Variants in MID1 observed in about 807,000 individuals in gnomAD.
MID1 encodes the protein E3 ubiquitin-protein ligase Midline-1.
A neutral mutation model predicts 40.4 loss-of-function variants in MID1; 7 were observed. The observed-to-expected ratio is 0.17, with a 90% CI of 0.10 to 0.33. The LOEUF is 0.33. MID1 is among the 10% of genes least tolerant of loss of function. The pLI is 1.00. For missense variants in MID1, 367 were observed against 558.5 expected, an observed-to-expected ratio of 0.66 and a Z score of 3.46; for synonymous variants, 229 against 221.2, an observed-to-expected ratio of 1.04 and a Z score of -0.31.
At chrX:10,539,296 G>A (rs144411976) in intron 2 of MID1, among the ~76,000 whole-genome samples, 17 of 111,527 alleles carry the variant, frequency 1.5e-4, no homozygotes, top group South Asian at 1.5e-3. Context: ...TCATTAGATC[G>A]TGCGGCTGGC....
chrX:10,555,937 C>T lies in MID1; in HGVS notation c.660+10951G>A, dbSNP rs143683661. Among the ~76,000 whole-genome samples, 376 of 110,409 alleles carry T rather than the reference C, an allele frequency of 3.4e-3. 2 individuals are homozygous for T. The highest frequency in any genetic ancestry group is 0.012 in the African/African-American group (361 of 30,329). On this transcript the variant is annotated intron_variant, in intron 2 of 9. Coordinates refer to ENST00000317552, the MANE Select transcript of MID1 (RefSeq NM_000381.4). ...CTACAGTGGAGGAGTTGGAAGCTGC[C>T]TTCTTGTACAGCTCCTTCACTTCAG... is the stretch of plus-strand genomic sequence containing the variant.
At chrX:10,686,216 G>A (rs930004490) in intron 1 of MID1, among the ~76,000 whole-genome samples, 2 of 111,295 alleles carry the variant, frequency 1.8e-5, no homozygotes, top group Non-Finnish European at 3.8e-5. Context: ...TGGGGAAGGG[G>A]GTTTGGTGTC....
chrX:10,532,168 C>G (rs1473249399), intron 2 of MID1, among the ~76,000 whole-genome samples: 1 of 111,457 alleles, frequency 9.0e-6, no homozygotes. Flanking sequence ...CTTCTCAACA[C>G]AGTACTCTGG....
intron 7 of MID1, chrX:10,469,311 C>T (rs1306406296): frequency 2.1e-6 from 2 of 933,758 alleles, no homozygotes; most frequent in East Asian, 4.2e-5. Flanking sequence ...AGTTTTAACA[C>T]CTATGAATGT....
intron 2 of MID1, among the ~76,000 whole-genome samples, chrX:10,527,800 T>A (rs182205574): frequency 7.7e-4 from 86 of 111,616 alleles, no homozygotes; most frequent in Non-Finnish European, 1.5e-3. Flanking sequence ...CAGGGCGCAA[T>A]TGGGAGGCAG....
chrX:10,781,461 G>C (rs758109742), intron 1 of MID1, among the ~76,000 whole-genome samples: 1 of 111,945 alleles, frequency 8.9e-6, no homozygotes, highest in African/African-American at 3.2e-5. Flanking sequence ...TATTGAACAC[G>C]AAAGAAAAAC....
chrX:10,496,483 A>C (rs1931259269), intron 3 of MID1, among the ~76,000 whole-genome samples: 1 of 112,288 alleles, frequency 8.9e-6, no homozygotes, highest in Non-Finnish European at 1.9e-5. Flanking sequence ...GCAATTCTGA[A>C]ATGCTTATTC....
chrX:10,737,512 C>T (rs968713057), intron 1 of MID1, among the ~76,000 whole-genome samples: 2 of 111,455 alleles, frequency 1.8e-5, no homozygotes, highest in Non-Finnish European at 3.8e-5. Context: ...CACAGAAGGT[C>T]CATGTCACAG....
Position 10,567,492 on chromosome X carries a change from T to A in MID1, c.56A>T (p.Asp19Val). 1 of 1,210,957 alleles carries A rather than the reference T, an allele frequency of 8.3e-7. No homozygotes were observed. The highest frequency in any genetic ancestry group is 1.1e-6 in the Non-Finnish European group (1 of 895,205). Residue 19 changes from aspartate (D) to valine (V), a missense_variant, in exon 2 of 10, where the codon GAC becomes GTC. Physicochemically the swap from Asp to Val is radical, Grantham distance 152 (BLOSUM62 -3). Around this residue, in one of 3 missense-constraint regions of MID1, gnomAD observed 78 missense variants for 112.6 expected, o/e 0.69. Coordinates refer to ENST00000317552, the MANE Select transcript of MID1 (RefSeq NM_000381.4). ...TCPICLELFE[D>V]PLLLPCAHSL... ...GTGTGCGCAGGGCAGTAGAAGAGGG[T>A]CCTCAAAGAGCTCCAGACAAATAGG...
intron 1 of MID1, among the ~76,000 whole-genome samples, chrX:10,590,069 A>C (rs771073229): frequency 9.0e-6 from 1 of 110,805 alleles, no homozygotes; most frequent in South Asian, 4.0e-4. Context: ...CAGGGGCTGC[A>C]TGCACTGGTG....
chrX:10,606,870 T>C (rs1011974043), intron 1 of MID1, among the ~76,000 whole-genome samples: 2 of 111,206 alleles, frequency 1.8e-5, no homozygotes, highest in African/African-American at 6.6e-5. Flanking sequence ...TAGCTGGGAC[T>C]ACAGGTTTGC....
At chrX:10,476,647 T>C (rs1930028848) in intron 5 of MID1, among the ~76,000 whole-genome samples, 1 of 111,849 alleles carries the variant, frequency 8.9e-6, no homozygotes, top group African/African-American at 3.2e-5. Flanking sequence ...AATGTAATGA[T>C]ACTGGGATTG....
At chrX:10,812,270 G>A (rs1647744357) in intron 1 of MID1, among the ~76,000 whole-genome samples, 1 of 111,397 alleles carries the variant, frequency 9.0e-6, no homozygotes, top group African/African-American at 3.3e-5. Flanking sequence ...CAAAACTTGG[G>A]TGGTCACACA....
At chrX:10,784,042 A>G (rs1016981428) in intron 1 of MID1, among the ~76,000 whole-genome samples, 1 of 112,208 alleles carries the variant, frequency 8.9e-6, no homozygotes, top group Non-Finnish European at 1.9e-5. Flanking sequence ...AGAATAAAAT[A>G]CAATTCATTC....
At chrX:10,781,151 A>T (rs1475920744) in intron 1 of MID1, among the ~76,000 whole-genome samples, 1 of 112,284 alleles carries the variant, frequency 8.9e-6, no homozygotes, top group Non-Finnish European at 1.9e-5. Flanking sequence ...AATCAAAATG[A>T]CGTTCTAAAA....
intron 1 of MID1, among the ~76,000 whole-genome samples, chrX:10,646,790 A>T (rs1482533817): frequency 8.9e-6 from 1 of 111,959 alleles, no homozygotes; most frequent in Non-Finnish European, 1.9e-5. Context: ...CCTTGAAAAT[A>T]GTAACATATA....
intron 3 of MID1, among the ~76,000 whole-genome samples, chrX:10,519,504 C>T (rs1932607311): frequency 9.0e-6 from 1 of 111,621 alleles, no homozygotes; most frequent in South Asian, 3.8e-4. Flanking sequence ...ACACTGCTGC[C>T]TTCACACTCT....
At chrX:10,832,908 C>T (rs1343833383) in intron 1 of MID1, among the ~76,000 whole-genome samples, 2 of 112,290 alleles carry the variant, frequency 1.8e-5, no homozygotes, top group Admixed American at 9.4e-5. Context: ...GACCACAATA[C>T]CTTTGACATA....
chrX:10,697,703 T>C (rs2043170104), intron 1 of MID1, among the ~76,000 whole-genome samples: 1 of 111,852 alleles, frequency 8.9e-6, no homozygotes, highest in African/African-American at 3.3e-5. Context: ...TGGTTTGTTT[T>C]TGGAGCCGTG....
Sources: gnomAD v4.1 joint callset for allele counts (sites outside exome capture counted in the v4.1 genomes callset) on GRCh38, gnomAD v4.1.1 for gene constraint, gnomAD v4.1.1 regional missense constraint, MANE v1.5 for transcripts, NCBI Gene and HGNC (gene_info 2026-07-23, HGNC 2026-07-21) for gene names.